The following SASH1 variants were observed in gnomAD, a reference collection of about 807,000 sequenced individuals.
SASH1 encodes the protein SAM and SH3 domain-containing protein 1.
A neutral mutation model predicts 125.2 loss-of-function variants in SASH1; 44 were observed. The ratio of observed to expected loss-of-function variants is 0.35; its 90% CI spans 0.28 to 0.45. The LOEUF (loss-of-function observed/expected upper bound fraction) is 0.45. SASH1 is among the 20% of genes least tolerant of loss of function. SASH1 has a pLI of 1.00. For synonymous variants in SASH1, 639 were observed against 649.1 expected, an observed-to-expected ratio of 0.98 and a Z score of 0.24; for missense variants, 1,426 against 1,614.5, an observed-to-expected ratio of 0.88 and a Z score of 2.00.
chr6:148,230,448 G>T, the SASH1 span, among the ~76,000 whole-genome samples: 1 of 152,082 alleles, frequency 6.6e-6, no homozygotes, highest in African/African-American at 2.4e-5. Flanking sequence ...AAGTATTTGG[G>T]ACTAGAGGTG....
intron 1 of SASH1, among the ~76,000 whole-genome samples, chr6:148,348,702 T>C (rs1471107942): frequency 6.6e-6 from 1 of 152,236 alleles, no homozygotes; most frequent in Non-Finnish European, 1.5e-5. Flanking sequence ...TGTATTTCCC[T>C]GAAACTGACT....
At chr6:148,354,743 A>G (rs1321872198) in intron 1 of SASH1, among the ~76,000 whole-genome samples, 1 of 152,156 alleles carries the variant, frequency 6.6e-6, no homozygotes, top group African/African-American at 2.4e-5. Context: ...TGTAATGAAT[A>G]AACCTGCCAC....
At chr6:148,269,757 T>TG (rs554761961), upstream of SASH1, among the ~76,000 whole-genome samples, 3 of 152,140 alleles carry the variant, frequency 2.0e-5, no homozygotes, top group Non-Finnish European at 4.4e-5. Flanking sequence ...CTGAGGGGTG[T>TG]GGGGGGGCAC....
chr6:148,318,157 A>AT (rs1283063600), intron 1 of SASH1, among the ~76,000 whole-genome samples: 1 of 152,110 alleles, frequency 6.6e-6, no homozygotes, highest in Non-Finnish European at 1.5e-5. Flanking sequence ...CACCAGACCA[A>AT]TTTTTAGAAC....
intron 8 of SASH1, among the ~76,000 whole-genome samples, chr6:148,501,713 C>T (rs1007871945): frequency 2.0e-5 from 3 of 152,118 alleles, no homozygotes; most frequent in African/African-American, 4.8e-5. Context: ...GAAGCCAGTC[C>T]TCTCGCCTCT....
At position 148,514,458 on chromosome 6, in the gene SASH1, TAAAAAAAAAAAAAAA is replaced by T. The variant is rs10710533; in HGVS notation, c.862+16_862+30del. The T allele has an allele frequency of 4.9e-5, 28 of 572,070 alleles. No homozygotes were observed. The East Asian group carries it at 5.7e-4, about 12-fold the overall frequency. 35.4% of individuals were successfully genotyped at this position (572,070 alleles called of 1,614,324 possible). A position where few individuals can be genotyped will look rare whatever the true frequency, so the allele number is the denominator to read the frequency against. ...AAATGAAAAAACCCAGCACTGAAGGTAAAAAAAAAAAAAAAAAAAAAAAAAAAAGGCAGACTCCAC... is the reference window on the plus strand; with the variant it reads ...AAATGAAAAAACCCAGCACTGAAGGTAAAAAAAAAAAAAGGCAGACTCCAC... On this transcript the variant is annotated splice_donor_5th_base_variant and intron_variant, in intron 9 of 19. Transcript: ENST00000367467.
At chr6:148,535,001 C>G (rs1781756449) in intron 16 of SASH1, 100 bp downstream of exon 16, 1 of 1,247,294 alleles carries the variant, frequency 8.0e-7, no homozygotes, top group East Asian at 2.4e-5. Context: ...GTCACTTATT[C>G]TGTCCTGTTC....
intron 11 of SASH1, among the ~76,000 whole-genome samples, chr6:148,527,074 G>A (rs550082454): frequency 4.1e-5 from 6 of 147,380 alleles, no homozygotes; most frequent in African/African-American, 1.3e-4. Context: ...GGGTTTCACC[G>A]TGTTAGTCAG....
intron 2 of SASH1, among the ~76,000 whole-genome samples, chr6:148,414,911 T>C (rs1430826848): frequency 1.3e-5 from 2 of 152,202 alleles, no homozygotes; most frequent in Non-Finnish European, 2.9e-5. Flanking sequence ...CCCAAAGTGC[T>C]GGGAATACAG....
chr6:148,306,460 C>T (rs556782873), intron 1 of SASH1, among the ~76,000 whole-genome samples: 5 of 152,276 alleles, frequency 3.3e-5, no homozygotes, highest in Admixed American at 2.0e-4. Flanking sequence ...GACTCTTCAC[C>T]CACTGCCACT....
At chr6:148,248,203 A>G in the SASH1 span, among the ~76,000 whole-genome samples, 7 of 152,238 alleles carry the variant, frequency 4.6e-5, no homozygotes, top group African/African-American at 1.7e-4. Flanking sequence ...TTTCTAGAGC[A>G]TTCCCAACAA....
chr6:148,377,033 A>G (rs1232878741), intron 1 of SASH1, among the ~76,000 whole-genome samples: 5 of 148,500 alleles, frequency 3.4e-5, no homozygotes, highest in Non-Finnish European at 7.5e-5. Context: ...AGCCGGGCGT[A>G]GTGGCGGGCG....
rs1327322217 is a variant in SASH1, at chr6:148,519,886, G to A, written c.1202G>A (p.Ser401Asn). The A allele has an allele frequency of 1.3e-6, 2 of 1,564,616 alleles. No individual in the cohort carries two copies. The highest frequency in any genetic ancestry group is 8.6e-7 in the Non-Finnish European group (1 of 1,157,676). The change falls in exon 10 of 20, where the codon AGC becomes AAC. Residue 401 changes from serine (S) to asparagine (N), a missense_variant. Ser to Asn is a conservative substitution (Grantham distance 46). Coordinates refer to ENST00000367467, the MANE Select transcript of SASH1 (RefSeq NM_015278.5). This position sits in a 1 kb window ranked among gnomAD's most constrained non-coding sequence, Gnocchi z 4.8. ...GEMKKGLGSL[S>N]HGRTCSFGGF... ...ATGAAGAAGGGTCTCGGGTCCCTAAGCCACGGGGTAAGTACGGATGGTGTT... is the reference window on the plus strand; with the variant it reads ...ATGAAGAAGGGTCTCGGGTCCCTAAACCACGGGGTAAGTACGGATGGTGTT...
chr6:148,546,294 G>A (rs1782563790), intron 19 of SASH1, 148 bp downstream of exon 19: 4 of 900,384 alleles, frequency 4.4e-6, no homozygotes, highest in East Asian at 5.6e-5. Context: ...GGTCAGCCTA[G>A]AAATGTTTAA....
At chr6:148,273,512 T>A (rs546770912) in intron 1 of SASH1, among the ~76,000 whole-genome samples, 108 of 152,066 alleles carry the variant, frequency 7.1e-4, no homozygotes, top group African/African-American at 2.5e-3. Context: ...CAGGCTGGTC[T>A]TGAACTCCTG....
At chr6:148,216,202 G>T in the SASH1 span, among the ~76,000 whole-genome samples, 1 of 152,108 alleles carries the variant, frequency 6.6e-6, no homozygotes, top group African/African-American at 2.4e-5. Flanking sequence ...TGTAACAGTA[G>T]ATTTTAAGTT....
intron 2 of SASH1, among the ~76,000 whole-genome samples, chr6:148,421,896 A>G (rs1030819572): frequency 6.6e-6 from 1 of 152,152 alleles, no homozygotes; most frequent in African/African-American, 2.4e-5. Context: ...TCATTTTTCT[A>G]TTTAAAGTAA....
At chr6:148,334,427 C>CAAAAAAAAAAAAA (rs1162225428) in intron 1 of SASH1, among the ~76,000 whole-genome samples, 1 of 63,684 alleles carries the variant, frequency 1.6e-5, no homozygotes, top group Non-Finnish European at 2.8e-5. Flanking sequence ...GACTCCGTCT[C>CAAAAAAAAAAAAA]AAAAAAAAAA....
chr6:148,285,833 T>C (rs534239046), intron 1 of SASH1, among the ~76,000 whole-genome samples: 53 of 152,328 alleles, frequency 3.5e-4, no homozygotes, highest in Middle Eastern at 3.4e-3. Context: ...GTCTGAATTA[T>C]AGATTTGGTG....
Sources: allele counts gnomAD v4.1 joint callset (sites outside exome capture counted in the v4.1 genomes callset), GRCh38; gene constraint gnomAD v4.1.1; non-coding constraint Gnocchi (gnomAD v3.1); transcripts MANE v1.5; gene names NCBI Gene and HGNC (gene_info 2026-07-23, HGNC 2026-07-21).